The following C9orf72 variants were observed in gnomAD, a reference collection of about 807,000 sequenced individuals.
C9orf72 encodes C9orf72-SMCR8 complex subunit.
In C9orf72, 44 loss-of-function variants were observed where a neutral mutation model predicts 51.6. The ratio of observed to expected loss-of-function variants is 0.85; its 90% confidence interval spans 0.67 to 1.10. The LOEUF (loss-of-function observed/expected upper bound fraction) is 1.10. Ranked by LOEUF, C9orf72 falls within the 50% of genes least tolerant of loss-of-function variation. The probability of loss-of-function intolerance (pLI) is 0.00; values close to 1 mark genes in which losing one functional copy is unlikely to be tolerated. For missense variants in C9orf72, 607 were observed against 570.6 expected (o/e 1.06, Z -0.65); for synonymous variants, 213 against 194.2 (o/e 1.10, Z -0.81).
At chr9:27,569,619 C>T (rs1464648971) in intron 1 of C9orf72, among the ~76,000 whole-genome samples, 1 of 152,170 alleles carries the variant, frequency 6.6e-6, no homozygotes, top group Non-Finnish European at 1.5e-5. Flanking sequence ...TGTGTAAGTA[C>T]ACTCTATGAT....
chr9:27,559,211 A>G lies in C9orf72; in HGVS notation c.739-604T>C, dbSNP rs541652345. 3.3e-5 allele frequency: 5 copies of G among 152,086 alleles called. No homozygotes were observed. The East Asian group carries it at 9.6e-4, about 29-fold the overall frequency. 9.4% of individuals were successfully genotyped at this position (152,086 alleles called of 1,614,324 possible). ...GGTGGCAACTTCTTTCTCAAATTAA[A>G]ACAAGATAAAAGGTAAGCTATTCTC... On this transcript the variant is annotated intron_variant, in intron 6 of 10. Transcript: ENST00000380003.
chr9:27,547,616 A>C lies in C9orf72; in HGVS notation c.*620T>G, dbSNP rs1001916945. 5 of 152,618 alleles carry C rather than the reference A, an allele frequency of 3.3e-5. No homozygotes were observed. The highest frequency in any genetic ancestry group is 1.2e-4 in the African/African-American group (5 of 41,476). 9.5% of individuals were successfully genotyped at this position (152,618 alleles called of 1,614,324 possible). ...ACCCTAACTGTGGTTCACCAGGAAC[A>C]AGGACTATAGAGAACTATTAGACAT... On this transcript the variant is annotated 3_prime_UTR_variant, in exon 11 of 11. Coordinates refer to ENST00000380003, the MANE Select transcript of C9orf72 (RefSeq NM_018325.5).
At chr9:27,561,473 C>A in intron 5 of C9orf72, 112 bp downstream of exon 5, 1 of 1,178,904 alleles carries the variant, frequency 8.5e-7, no homozygotes, top group Non-Finnish European at 1.2e-6. Flanking sequence ...CGTAATGTCC[C>A]TAGAACAATC....
rs1260063165 is a variant in C9orf72 at position 27,566,731 on chromosome 9, C to A, written c.390G>T (p.Val130=). The A allele has an allele frequency of 1.2e-6, 2 of 1,613,614 alleles. No individual in the cohort carries two copies. Among genetic ancestry groups the A allele is most frequent in the African/African-American group, 1.3e-5 (1 of 75,040 alleles). The part of the protein sequence containing the change: ...ELSFYLPLHR[V]CVDRLTHIIR... ...TTATATGTGTTAATCTATCAACACA[C>A]ACTCTATGAAGTGGGAGGTAGAAAC... is the stretch of plus-strand genomic sequence containing the variant. Residue 130 remains valine, a synonymous_variant, in exon 2 of 11, where the codon GTG becomes GTT. Coordinates refer to ENST00000380003, the MANE Select transcript of C9orf72 (RefSeq NM_018325.5).
In C9orf72 at chr9:27,560,213, A is replaced by G; in HGVS notation, c.738+14T>C. The G allele has an allele frequency of 1.9e-6, 3 of 1,556,208 alleles. No homozygotes were observed. The highest frequency in any genetic ancestry group is 2.6e-6 in the Non-Finnish European group (3 of 1,139,008). ...AAAGAGTCAAATCATTTGCTAGATT[A>G]TAAAATAAACTACCTTATTTACTTT... On this transcript the variant is annotated intron_variant, in intron 6 of 10. Coordinates refer to ENST00000380003, the MANE Select transcript of C9orf72 (RefSeq NM_018325.5).
intron 1 of C9orf72, among the ~76,000 whole-genome samples, chr9:27,573,218 C>G (rs536430900): frequency 6.6e-6 from 1 of 151,610 alleles, no homozygotes; most frequent in South Asian, 2.1e-4. Context: ...GCGCCGCCGC[C>G]GCCGCCGCCG....
chr9:27,564,913 G>T (rs569459036), intron 3 of C9orf72, among the ~76,000 whole-genome samples: 7 of 152,070 alleles, frequency 4.6e-5, no homozygotes, highest in African/African-American at 1.7e-4. Context: ...TTCCGCAGGG[G>T]AAGCCACACC....
chr9:27,565,317 T>C (rs1261976932), intron 3 of C9orf72, among the ~76,000 whole-genome samples: 1 of 152,156 alleles, frequency 6.6e-6, no homozygotes, highest in African/African-American at 2.4e-5. Flanking sequence ...CAAATATTAA[T>C]TTGTAGATGC....
chr9:27,566,746 G>A lies in C9orf72; in HGVS notation c.375C>T (p.Leu125=), dbSNP rs2131545164. The A allele has an allele frequency of 3.1e-6, 5 of 1,613,822 alleles. No individual in the cohort carries two copies. The highest frequency in any genetic ancestry group is 4.2e-6 in the Non-Finnish European group (5 of 1,179,770). The change falls in exon 2 of 11, where the codon CTC becomes CTT. Residue 125 remains leucine, a synonymous_variant. Coordinates refer to ENST00000380003, the MANE Select transcript of C9orf72 (RefSeq NM_018325.5). ...ILPQTELSFY[L]PLHRVCVDRL... The stretch of plus-strand genomic sequence containing the variant: ...TATCAACACACACTCTATGAAGTGG[G>A]AGGTAGAAACTAAGTTCTGTCTGTG...
intron 7 of C9orf72, among the ~76,000 whole-genome samples, 162 bp downstream of exon 7, chr9:27,558,329 C>T (rs1302495992): frequency 1.3e-5 from 2 of 151,550 alleles, no homozygotes; most frequent in African/African-American, 2.4e-5. Flanking sequence ...AACTATAAAT[C>T]CATAAGACAT....
At chr9:27,564,787 G>T (rs1313531689) in intron 3 of C9orf72, among the ~76,000 whole-genome samples, 2 of 152,062 alleles carry the variant, frequency 1.3e-5, no homozygotes, top group Non-Finnish European at 2.9e-5. Flanking sequence ...TTTACAAGGA[G>T]CATTGAGGGT....
rs1308373462 is a variant in C9orf72, at chr9:27,558,516, C to T, written c.830G>A (p.Gly277Glu). The T allele has an allele frequency of 1.2e-6, 2 of 1,601,274 alleles. No homozygotes were observed. Among genetic ancestry groups the T allele is most frequent in the Non-Finnish European group, 1.7e-6 (2 of 1,172,610 alleles). The part of the protein sequence containing the change: ...EAESSFKYES[G>E]LFVQGLLKDS... ...CTTTAGCAGGCCTTGTACAAAGAGC[C>T]CTGACTCATATTTAAATGATGATTC... The change falls in exon 7 of 11, where the codon GGG becomes GAG. Residue 277 changes from glycine to glutamate, a missense_variant. Physicochemically the swap from Gly to Glu is moderately conservative, Grantham distance 98. Coordinates refer to ENST00000380003, the MANE Select transcript of C9orf72 (RefSeq NM_018325.5).
intron 1 of C9orf72, among the ~76,000 whole-genome samples, chr9:27,568,648 G>A (rs1002384795): frequency 6.6e-6 from 1 of 152,200 alleles, no homozygotes; most frequent in Admixed American, 6.5e-5. Flanking sequence ...CAATGGACCT[G>A]AAAATATGCT....
intron 1 of C9orf72, among the ~76,000 whole-genome samples, 187 bp downstream of exon 1, chr9:27,573,244 G>C (rs1819629988): frequency 6.6e-6 from 1 of 151,088 alleles, no homozygotes; most frequent in African/African-American, 2.4e-5. Context: ...GGGAAGCCCG[G>C]GGCCCGGATG....
Position 27,556,658 on chromosome 9 carries a change from T to A in C9orf72, c.994A>T (p.Met332Leu), listed in dbSNP as rs146043466. The change falls in exon 8 of 11, where the codon ATG becomes TTG. Residue 332 changes from methionine (M) to leucine (L), a missense_variant. By Grantham distance (15) the Met-to-Leu change is conservative (BLOSUM62 2). Transcript: ENST00000380003. ...CAGAAGGCTGTCAGCTCGGATCTCA[T>A]GTATCTACGCTGATTATAAATATGT... Reference protein sequence around the residue: ...HEHIYNQRRYMRSELTAFWRA... With the variant: ...HEHIYNQRRYLRSELTAFWRA... The A allele has an allele frequency of 2.4e-5, 38 of 1,613,946 alleles. No homozygotes were observed. Among genetic ancestry groups the A allele is most frequent in the Non-Finnish European group, 3.2e-5 (38 of 1,179,846 alleles).
intron 1 of C9orf72, among the ~76,000 whole-genome samples, chr9:27,572,726 C>A (rs538572873): frequency 1.6e-4 from 24 of 152,254 alleles, no homozygotes; most frequent in Middle Eastern, 3.4e-3. Context: ...AATGAGCACA[C>A]GGACATGTAA....
rs763285533 is a variant in C9orf72 at position 27,556,575 on chromosome 9, G to A, written c.1077C>T (p.Ser359=). ...AQDTIIYTDE[S]FTPDLNIFQD... ...GCATTACGTACAAATCAGGAGTAAA[G>A]CTTTCGTCAGTGTAGATGATCGTAT... The change falls in exon 8 of 11, where the codon AGC becomes AGT. Residue 359 remains serine (S), a synonymous_variant. Coordinates refer to ENST00000380003, the MANE Select transcript of C9orf72 (RefSeq NM_018325.5). The A allele has an allele frequency of 3.5e-5, 56 of 1,611,582 alleles. No individual in the cohort carries two copies. In the East Asian group the frequency reaches 1.2e-3, roughly 34 times the overall value.
chr9:27,551,732 T>C (rs1820913038), intron 8 of C9orf72, among the ~76,000 whole-genome samples: 1 of 152,028 alleles, frequency 6.6e-6, no homozygotes, highest in Non-Finnish European at 1.5e-5. Flanking sequence ...ATAAGGCTTA[T>C]ATTTAATCGA....
chr9:27,571,950 T>C (rs768984238), intron 1 of C9orf72, among the ~76,000 whole-genome samples: 1 of 152,182 alleles, frequency 6.6e-6, no homozygotes, highest in Non-Finnish European at 1.5e-5. Flanking sequence ...TTCATATCAC[T>C]ATCTGGCCAT....
Sources: gnomAD v4.1 joint callset for allele counts (sites outside exome capture counted in the v4.1 genomes callset) on GRCh38, gnomAD v4.1.1 for gene constraint, MANE v1.5 for transcripts, NCBI Gene and HGNC (gene_info 2026-07-23, HGNC 2026-07-21) for gene names.